The following KATNIP variants were observed in gnomAD, a reference collection of about 807,000 sequenced individuals.
KATNIP encodes the protein katanin interacting protein.
A neutral mutation model predicts 174.0 loss-of-function variants in KATNIP; 126 were observed. The ratio of observed to expected loss-of-function variants is 0.72; its 90% confidence interval spans 0.63 to 0.84. KATNIP has a LOEUF of 0.84. Among genes scored for constraint, KATNIP ranks in the 40% least tolerant of loss-of-function variants. KATNIP has a pLI of 0.00. For missense variants in KATNIP, 1,958 were observed against 2,109.7 expected (o/e 0.93, Z 1.41); for synonymous variants, 810 against 835.7 (o/e 0.97, Z 0.53).
intron 5 of KATNIP, among the ~76,000 whole-genome samples, chr16:27,643,608 A>G (rs1294007509): frequency 1.3e-5 from 2 of 149,822 alleles, no homozygotes; most frequent in African/African-American, 2.4e-5. Flanking sequence ...AAAAAAAAAA[A>G]AAAAAAAAAG....
rs35752811 is a variant in KATNIP at position 27,608,226 on chromosome 16, CTTT to C, written c.64-10179_64-10177del. On this transcript the variant is annotated intron_variant, in intron 2 of 27. Coordinates refer to ENST00000261588, the MANE Select transcript of KATNIP (RefSeq NM_015202.5). Reference sequence around the variant, plus strand: ...TAATAACATGGCCATTGGTAAAATTCTTTTTTTTTTTTTTTTTTTTTTGAGACA... The same window carrying C: ...TAATAACATGGCCATTGGTAAAATTCTTTTTTTTTTTTTTTTTTTGAGACA... 8.4e-3 allele frequency among the ~76,000 whole-genome samples: 919 copies of C among 109,748 alleles called. 4 individuals carry two copies. Among genetic ancestry groups the C allele is most frequent in the African/African-American group, 0.03 (864 of 28,380 alleles). The allele number at this position is 109,748 out of a possible 152,430, so 72.0% of individuals were successfully genotyped here. A position where few individuals can be genotyped will look rare whatever the true frequency, so the allele number is the denominator to read the frequency against.
At chr16:27,739,812 G>GGTAATGATAA (rs11273918) in intron 14 of KATNIP, among the ~76,000 whole-genome samples, 2,599 of 152,328 alleles carry the variant, frequency 0.017, 82 homozygotes, top group African/African-American at 0.059. Context: ...GACGAAGGCA[G>GGTAATGATAA]CGATTGAGGC....
intron 15 of KATNIP, among the ~76,000 whole-genome samples, chr16:27,748,123 G>T (rs1239667734): frequency 6.6e-6 from 1 of 152,214 alleles, no homozygotes; most frequent in African/African-American, 2.4e-5. Context: ...GTGAGAACAG[G>T]CCACTGCGTG....
At chr16:27,716,374 G>A (rs1469795674) in intron 13 of KATNIP, among the ~76,000 whole-genome samples, 1 of 152,068 alleles carries the variant, frequency 6.6e-6, no homozygotes. Flanking sequence ...ACTGGAAGAA[G>A]ATAATGGTAA....
intron 3 of KATNIP, among the ~76,000 whole-genome samples, chr16:27,620,180 T>G (rs2076152654): frequency 6.6e-6 from 1 of 152,182 alleles, no homozygotes; most frequent in African/African-American, 2.4e-5. Context: ...AAAACTGAGT[T>G]GCCATAAAAT....
intron 15 of KATNIP, among the ~76,000 whole-genome samples, chr16:27,743,294 C>T (rs1213302380): frequency 1.3e-5 from 2 of 152,066 alleles, no homozygotes; most frequent in African/African-American, 4.8e-5. Context: ...TGTCTTAATG[C>T]ATGCATTTTT....
intron 5 of KATNIP, among the ~76,000 whole-genome samples, chr16:27,633,876 C>T (rs2142190849): frequency 6.6e-6 from 1 of 152,274 alleles, no homozygotes; most frequent in African/African-American, 2.4e-5. Flanking sequence ...TTTCTGCCTC[C>T]CCACAGGGGC....
At chr16:27,582,477 CTT>C (rs2090736516) in intron 2 of KATNIP, among the ~76,000 whole-genome samples, 1 of 152,174 alleles carries the variant, frequency 6.6e-6, no homozygotes, top group African/African-American at 2.4e-5. Context: ...TGTTGTCAGT[CTT>C]TCTGCTTCTT....
chr16:27,755,999 T>C (rs940146938), intron 18 of KATNIP, among the ~76,000 whole-genome samples: 1 of 152,040 alleles, frequency 6.6e-6, no homozygotes, highest in Non-Finnish European at 1.5e-5. Context: ...GCCTCAGTGG[T>C]GAGCTGCCAG....
At chr16:27,699,687 A>G (rs2079032222) in intron 10 of KATNIP, 88 bp downstream of exon 10, 1 of 1,571,832 alleles carries the variant, frequency 6.4e-7, no homozygotes, top group Non-Finnish European at 8.7e-7. Flanking sequence ...ACAAAGCCCT[A>G]TGCATGTGCA....
At chr16:27,601,092 A>C (rs186798129) in intron 2 of KATNIP, among the ~76,000 whole-genome samples, 1 of 152,164 alleles carries the variant, frequency 6.6e-6, no homozygotes, top group African/African-American at 2.4e-5. Flanking sequence ...TTCCATTTCT[A>C]TCTCTCTACT....
intron 8 of KATNIP, among the ~76,000 whole-genome samples, chr16:27,691,844 T>G (rs971197357): frequency 6.6e-6 from 1 of 152,194 alleles, no homozygotes; most frequent in Non-Finnish European, 1.5e-5. Flanking sequence ...CAGATAAAAC[T>G]GGTCTCTACT....
intron 1 of KATNIP, among the ~76,000 whole-genome samples, chr16:27,556,297 A>T (rs908063888): frequency 1.3e-5 from 2 of 152,176 alleles, no homozygotes; most frequent in African/African-American, 4.8e-5. Context: ...CCAATGTTTG[A>T]CATTTTTTAT....
chr16:27,612,000 A>T (rs1296725339), intron 2 of KATNIP, among the ~76,000 whole-genome samples: 1 of 152,124 alleles, frequency 6.6e-6, no homozygotes, highest in Non-Finnish European at 1.5e-5. Flanking sequence ...AGCGGAGGCT[A>T]GAGGGGGCTG....
chr16:27,699,653 G>A (rs1057183659), intron 10 of KATNIP, 54 bp downstream of exon 10: 18 of 1,610,908 alleles, frequency 1.1e-5, no homozygotes, highest in East Asian at 2.2e-5. Context: ...CGTAGCTCCC[G>A]ATGGTGCCAG....
At chr16:27,667,612 T>A (rs1752149818) in intron 6 of KATNIP, among the ~76,000 whole-genome samples, 1 of 152,256 alleles carries the variant, frequency 6.6e-6, no homozygotes, top group Middle Eastern at 3.4e-3. Context: ...TCTGCCTGCA[T>A]GTCAGTGATC....
At chr16:27,739,378 C>T (rs1188223417) in intron 14 of KATNIP, among the ~76,000 whole-genome samples, 1 of 152,144 alleles carries the variant, frequency 6.6e-6, no homozygotes, top group East Asian at 1.9e-4. Context: ...TGGGAAGGAG[C>T]ACCAGTTGGC....
chr16:27,656,189 GC>G (rs1377481209), intron 6 of KATNIP, among the ~76,000 whole-genome samples: 2 of 152,090 alleles, frequency 1.3e-5, no homozygotes, highest in Non-Finnish European at 2.9e-5. Flanking sequence ...CCTTTGGGAG[GC>G]CGAGGTGGTA....
Position 27,751,938 on chromosome 16 carries a change from T to C in KATNIP, c.3552+14T>C. 1 of 1,577,434 alleles carries C rather than the reference T, an allele frequency of 6.3e-7. No homozygotes were observed. The highest frequency in any genetic ancestry group is 8.6e-7 in the Non-Finnish European group (1 of 1,164,560). ...GCTGATGAACGGGTAGGACTGGAGCTGGGGGGCTGTGGGGGGACCCCCAGA... is the reference window on the plus strand; with the variant it reads ...GCTGATGAACGGGTAGGACTGGAGCCGGGGGGCTGTGGGGGGACCCCCAGA... On this transcript the variant is annotated intron_variant, in intron 17 of 27. Transcript: ENST00000261588.
Sources: gnomAD v4.1 joint callset for allele counts (sites outside exome capture counted in the v4.1 genomes callset) on GRCh38, gnomAD v4.1.1 for gene constraint, MANE v1.5 for transcripts, NCBI Gene and HGNC (gene_info 2026-07-23, HGNC 2026-07-21) for gene names.